LARGE1: variants seen among roughly 807,000 people sequenced by gnomAD.
LARGE1 encodes the protein xylosyl- and glucuronyltransferase LARGE1.
In LARGE1, 43 loss-of-function variants were observed where a neutral mutation model predicts 87.6. That is an observed-to-expected ratio of 0.49 (90% CI 0.38 to 0.63). The LOEUF is 0.63. LARGE1 is among the 30% of genes least tolerant of loss of function. The pLI is 0.00. For synonymous variants in LARGE1, 434 were observed against 394.6 expected (o/e 1.10, Z -1.18); for missense variants, 802 against 1,000.2 (o/e 0.80, Z 2.67).
the LARGE1 span, among the ~76,000 whole-genome samples, chr22:33,094,438 GCTAAACTTCC>G: frequency 6.6e-6 from 1 of 152,098 alleles, no homozygotes; most frequent in Non-Finnish European, 1.5e-5. Context: ...TCTCGTCTCA[GCTAAACTTCC>G]TAGCCTCACA....
chr22:33,777,719 G>A (rs984386321), intron 1 of LARGE1, among the ~76,000 whole-genome samples: 2 of 151,398 alleles, frequency 1.3e-5, no homozygotes, highest in Non-Finnish European at 2.9e-5. Flanking sequence ...GAAGGCAGGT[G>A]AAGGGAAGGC....
At chr22:33,491,995 A>G (rs2069866468) in intron 6 of LARGE1, among the ~76,000 whole-genome samples, 1 of 152,234 alleles carries the variant, frequency 6.6e-6, no homozygotes, top group East Asian at 1.9e-4. Context: ...TTCATGGAAT[A>G]TTTCAAAATA....
At chr22:33,565,965 G>T (rs954697214) in intron 5 of LARGE1, among the ~76,000 whole-genome samples, 6 of 152,136 alleles carry the variant, frequency 3.9e-5, no homozygotes, top group African/African-American at 1.4e-4. Context: ...GCTGCCATGG[G>T]GAGTTTCCAT....
At chr22:33,671,476 A>G (rs1454177854) in intron 2 of LARGE1, among the ~76,000 whole-genome samples, 2 of 152,222 alleles carry the variant, frequency 1.3e-5, no homozygotes, top group Non-Finnish European at 2.9e-5. Context: ...CAATTAGTCA[A>G]TCTACAGCAA....
the LARGE1 span, among the ~76,000 whole-genome samples, chr22:33,079,314 G>A: frequency 4.3e-4 from 58 of 134,616 alleles, no homozygotes; most frequent in South Asian, 2.5e-4. Context: ...TGCAAGCTCC[G>A]CCTCCTGGGT....
chr22:33,282,442 C>T lies in LARGE1; in HGVS notation c.1877+760G>A, dbSNP rs1010418990. On this transcript the variant is annotated intron_variant, in intron 13 of 14. Coordinates refer to ENST00000397394, the MANE Select transcript of LARGE1 (RefSeq NM_133642.5). ...CTCTCTTTAGACTGCTCAGTTACGG[C>T]ACCTAGCAGGCCACCTACTTTCCCC... Among the ~76,000 whole-genome samples, 3 of 152,196 alleles carry T rather than the reference C, an allele frequency of 2.0e-5. No homozygotes were observed. The South Asian group carries it at 6.2e-4, about 32-fold the overall frequency.
intron 2 of LARGE1, among the ~76,000 whole-genome samples, chr22:33,731,519 T>C (rs889379250): frequency 3.3e-5 from 5 of 152,126 alleles, no homozygotes; most frequent in Admixed American, 3.3e-4. Context: ...TTGAAGAGCG[T>C]GTAATAACAG....
At chr22:33,877,699 G>A (rs1299251265) in intron 1 of LARGE1, among the ~76,000 whole-genome samples, 1 of 152,074 alleles carries the variant, frequency 6.6e-6, no homozygotes, top group African/African-American at 2.4e-5. Context: ...GAGGTGGGGG[G>A]ATCACTTGAG....
intron 12 of LARGE1, among the ~76,000 whole-genome samples, chr22:33,292,042 C>T (rs113466607): frequency 0.021 from 3,163 of 152,072 alleles, 96 homozygotes; most frequent in African/African-American, 0.072. Context: ...TGCAATGAGC[C>T]GAGATCGTGC....
At position 33,316,063 on chromosome 22, in the gene LARGE1, T is replaced by G. The variant is rs759985858; in HGVS notation, c.1451+22A>C. The stretch of plus-strand genomic sequence containing the variant: ...AACAGCCGCGGTGAGGAGACTGGGG[T>G]GGGTGAGGCCGTCTGCCATACCTGT... On this transcript the variant is annotated intron_variant, in intron 11 of 14. Coordinates refer to ENST00000397394, the MANE Select transcript of LARGE1 (RefSeq NM_133642.5). 2.5e-6 allele frequency: 4 copies of G among 1,612,002 alleles called. No individual in the cohort carries two copies. The Admixed American group carries it at 6.7e-5, about 27-fold the overall frequency.
At chr22:33,807,748 A>G (rs2086358487) in intron 1 of LARGE1, among the ~76,000 whole-genome samples, 1 of 152,234 alleles carries the variant, frequency 6.6e-6, no homozygotes, top group South Asian at 2.1e-4. Flanking sequence ...CACAGTTGGA[A>G]AACAGTAAGT....
At position 33,203,085 on chromosome 22, in the gene LARGE1, C is replaced by CTG. The variant is rs1226941470; in HGVS notation, c.1731-36254_1731-36253insCA. 2.1e-3 allele frequency among the ~76,000 whole-genome samples: 313 copies of CTG among 149,208 alleles called. 1 individual carries two copies. The highest frequency in any genetic ancestry group is 2.5e-3 in the Admixed American group (37 of 14,592). ...ATCTAAACTCTCTCTCTCTCTCTCTCTCTCTCTCTCTCTCTCTGTGTGTGT... is the reference window on the plus strand; with the variant it reads ...ATCTAAACTCTCTCTCTCTCTCTCTCTGTCTCTCTCTCTCTCTCTGTGTGTGT... On this transcript the variant is annotated intron_variant, in intron 11 of 11. Coordinates refer to the LARGE1 transcript ENST00000608642.
intron 11 of LARGE1, among the ~76,000 whole-genome samples, chr22:33,217,830 C>T (rs2146249544): frequency 1.3e-5 from 2 of 152,332 alleles, no homozygotes; most frequent in South Asian, 4.1e-4. Flanking sequence ...GTTGCCCAGG[C>T]TGGTCTTGAA....
At chr22:33,367,177 G>T (rs2146960031) in intron 9 of LARGE1, among the ~76,000 whole-genome samples, 1 of 151,248 alleles carries the variant, frequency 6.6e-6, no homozygotes, top group East Asian at 2.0e-4. Flanking sequence ...GAGACTGTTT[G>T]CTTTATCTTT....
At chr22:33,789,829 C>T (rs1486633004) in intron 1 of LARGE1, among the ~76,000 whole-genome samples, 2 of 152,170 alleles carry the variant, frequency 1.3e-5, no homozygotes, top group African/African-American at 2.4e-5. Flanking sequence ...CCCATTGTAT[C>T]TAGGAAGTAA....
intron 10 of LARGE1, among the ~76,000 whole-genome samples, chr22:33,332,467 C>T (rs769059329): frequency 2.6e-5 from 4 of 152,060 alleles, no homozygotes; most frequent in African/African-American, 4.8e-5. Flanking sequence ...TTATCAGCAG[C>T]GTGAAAATGG....
chr22:33,701,346 AG>A (rs1234266604), intron 2 of LARGE1, among the ~76,000 whole-genome samples: 1 of 152,222 alleles, frequency 6.6e-6, no homozygotes, highest in Non-Finnish European at 1.5e-5. Context: ...GATGAAAAGG[AG>A]GTTGCTGGAA....
chr22:33,224,146 G>T (rs2145633248), intron 11 of LARGE1, among the ~76,000 whole-genome samples: 1 of 152,232 alleles, frequency 6.6e-6, no homozygotes, highest in Middle Eastern at 3.4e-3. Context: ...GGCACCTGTT[G>T]TTCCAGCTAC....
intron 6 of LARGE1, among the ~76,000 whole-genome samples, chr22:33,442,528 A>C (rs1279938341): frequency 1.3e-5 from 2 of 152,122 alleles, no homozygotes; most frequent in Non-Finnish European, 2.9e-5. Flanking sequence ...CCTACCAGGC[A>C]TGCTGTGGGA....
Sources: allele counts gnomAD v4.1 joint callset (sites outside exome capture counted in the v4.1 genomes callset), GRCh38; gene constraint gnomAD v4.1.1; transcripts MANE v1.5; gene names NCBI Gene and HGNC (gene_info 2026-07-23, HGNC 2026-07-21).